The following PRKAR1A variants were observed in gnomAD, a reference collection of about 807,000 sequenced individuals.
PRKAR1A encodes cAMP-dependent protein kinase type I-alpha regulatory subunit.
Under a neutral mutation model 52.0 loss-of-function variants are expected in PRKAR1A, and 3 were observed. The observed-to-expected ratio is 0.06, with a 90% CI of 0.03 to 0.15. The LOEUF is 0.15. PRKAR1A is among the 10% of genes least tolerant of loss of function. The pLI is 1.00. For missense variants in PRKAR1A, 240 were observed against 477.4 expected, an observed-to-expected ratio of 0.50 and a Z score of 4.63; for synonymous variants, 188 against 168.4, an observed-to-expected ratio of 1.12 and a Z score of -0.90.
the PRKAR1A span, chr17:68,420,376 C>T: frequency 1.7e-5 from 28 of 1,614,200 alleles, no homozygotes; most frequent in African/African-American, 3.5e-4. Flanking sequence ...CCAACGACAA[C>T]ATCTCCAGCG....
chr17:68,479,187 A>G, the PRKAR1A span, among the ~76,000 whole-genome samples: 1 of 152,182 alleles, frequency 6.6e-6, no homozygotes, highest in Non-Finnish European at 1.5e-5. Context: ...ATTTTTATCC[A>G]GTAAAAACTT....
chr17:68,439,461 A>AG, the PRKAR1A span, among the ~76,000 whole-genome samples: 1 of 152,126 alleles, frequency 6.6e-6, no homozygotes, highest in African/African-American at 2.4e-5. Flanking sequence ...AAAGTAGATT[A>AG]GGGGTTGCCT....
the PRKAR1A span, among the ~76,000 whole-genome samples, chr17:68,438,162 G>C: frequency 6.6e-6 from 1 of 152,158 alleles, no homozygotes; most frequent in Non-Finnish European, 1.5e-5. Flanking sequence ...TGAGTCCACA[G>C]CAGGGCTGTC....
chr17:68,507,791 A>G (rs866099965), upstream of PRKAR1A, among the ~76,000 whole-genome samples: 2 of 152,190 alleles, frequency 1.3e-5, no homozygotes, highest in Admixed American at 6.5e-5. Context: ...GCCTTGTTTA[A>G]AAACAGCTTA....
chr17:68,475,383 A>G, the PRKAR1A span, among the ~76,000 whole-genome samples: 1 of 152,252 alleles, frequency 6.6e-6, no homozygotes, highest in Non-Finnish European at 1.5e-5. Context: ...AAAGCAAGCA[A>G]CAGCAGGATG....
At chr17:68,508,067 TAAGAG>T (rs10535008), upstream of PRKAR1A, among the ~76,000 whole-genome samples, 28,128 of 152,090 alleles carry the variant, frequency 0.18, 3,144 homozygotes, top group East Asian at 0.48. Context: ...TTGAAGGCCT[TAAGAG>T]AAAAGACTGA....
chr17:68,437,947 TTAAAAA>T, the PRKAR1A span, among the ~76,000 whole-genome samples: 3 of 58,810 alleles, frequency 5.1e-5, no homozygotes, highest in South Asian at 1.3e-3. Context: ...GACATCTCTC[TTAAAAA>T]AAAAAAAAAA....
chr17:68,527,457 A>C (rs2085826812), intron 7 of PRKAR1A: 1 of 208,814 alleles, frequency 4.8e-6, no homozygotes, highest in South Asian at 6.6e-5. Flanking sequence ...GCACAAAATC[A>C]GTTTGAGAGT....
chr17:68,505,281 ACT>A, the PRKAR1A span, among the ~76,000 whole-genome samples: 1 of 152,104 alleles, frequency 6.6e-6, no homozygotes, highest in East Asian at 1.9e-4. Context: ...GCAGAGCCAG[ACT>A]CTGTCTCAAA....
chr17:68,486,897 G>A, the PRKAR1A span, among the ~76,000 whole-genome samples: 404 of 151,252 alleles, frequency 2.7e-3, 2 homozygotes, highest in African/African-American at 8.7e-3. Context: ...TTTCTCAGAT[G>A]ATGTCTTGCT....
the PRKAR1A span, among the ~76,000 whole-genome samples, chr17:68,494,883 A>G: frequency 6.6e-6 from 1 of 152,170 alleles, no homozygotes; most frequent in Non-Finnish European, 1.5e-5. Context: ...CTGCTCCACA[A>G]ATGAGATATA....
At position 68,532,936 on chromosome 17, in the gene PRKAR1A, G is replaced by A; in HGVS notation, c.*2487G>A. 1 of 1,065,904 alleles carries A rather than the reference G, an allele frequency of 9.4e-7. No individual in the cohort carries two copies. Among genetic ancestry groups the A allele is most frequent in the East Asian group, 5.0e-5 (1 of 20,116 alleles). The allele number at this position is 1,065,904 out of a possible 1,614,324, so 66.0% of individuals were successfully genotyped here. On this transcript the variant is annotated 3_prime_UTR_variant, in exon 11 of 11. Transcript: ENST00000589228. ...GTGCTTTTCAGTTTGTCAAAGAGTG[G>A]ATCTCAAAATCTTGCTTAAAGGGTA...
Position 68,532,426 on chromosome 17 carries a change from C to T in PRKAR1A, c.*1977C>T. ...AAATCATTTGGCTTGCTGTTTACTCCCTTCTGTAGTTTTTAATTAAAAACT... is the reference window on the plus strand; with the variant it reads ...AAATCATTTGGCTTGCTGTTTACTCTCTTCTGTAGTTTTTAATTAAAAACT... On this transcript the variant is annotated 3_prime_UTR_variant, in exon 11 of 11. Coordinates refer to ENST00000589228, the MANE Select transcript of PRKAR1A (RefSeq NM_002734.5). The T allele has an allele frequency of 9.4e-7, 1 of 1,060,096 alleles. No homozygotes were observed. 65.7% of individuals were successfully genotyped at this position (1,060,096 alleles called of 1,614,324 possible).
In PRKAR1A at chr17:68,515,964, C is replaced by T. The variant is rs115104713; in HGVS notation, c.177+388C>T. On this transcript the variant is annotated intron_variant, in intron 2 of 10. Transcript: ENST00000589228. ...TCCCGTTTTGAACAAAGCAAGTAAG[C>T]GTAGTAAATCTTATCCCACTTTTAA... 299 of 222,270 alleles carry T rather than the reference C, an allele frequency of 1.3e-3. 1 individual carries two copies. The highest frequency in any genetic ancestry group is 6.4e-3 in the African/African-American group (272 of 42,528). 13.8% of individuals were successfully genotyped at this position (222,270 alleles called of 1,614,324 possible). A position where few individuals can be genotyped will look rare whatever the true frequency, so the allele number is the denominator to read the frequency against.
At chr17:68,427,432 C>G in the PRKAR1A span, 1 of 446,266 alleles carries the variant, frequency 2.2e-6, no homozygotes, top group Non-Finnish European at 4.0e-6. Context: ...TCTCGGCTCA[C>G]TGCAACCTCC....
chr17:68,434,541 A>C, the PRKAR1A span: 1 of 1,613,606 alleles, frequency 6.2e-7, no homozygotes, highest in Non-Finnish European at 8.5e-7. Context: ...AATGGGTTTG[A>C]CATTGAACAC....
chr17:68,499,368 A>AAGAGAGAGAGAG, the PRKAR1A span, among the ~76,000 whole-genome samples: 1,795 of 140,290 alleles, frequency 0.013, 14 homozygotes, highest in Middle Eastern at 0.019. Context: ...AAGGGAGGAA[A>AAGAGAGAGAGAG]AGAGAGAGAG....
At chr17:68,463,450 C>T in the PRKAR1A span, among the ~76,000 whole-genome samples, 2 of 152,106 alleles carry the variant, frequency 1.3e-5, no homozygotes, top group Admixed American at 6.6e-5. Context: ...TGTTGTGTGC[C>T]GGTCATGGCT....
chr17:68,509,901 T>C (rs1443080079), upstream of PRKAR1A, among the ~76,000 whole-genome samples: 1 of 152,080 alleles, frequency 6.6e-6, no homozygotes, highest in Non-Finnish European at 1.5e-5. Flanking sequence ...TGCAGCTGAA[T>C]GGGGACACAC....
Sources: gnomAD v4.1 joint callset for allele counts (sites outside exome capture counted in the v4.1 genomes callset) on GRCh38, gnomAD v4.1.1 for gene constraint, MANE v1.5 for transcripts, NCBI Gene and HGNC (gene_info 2026-07-23, HGNC 2026-07-21) for gene names.